NOVA1: variants seen among roughly 807,000 people sequenced by gnomAD.
The protein encoded by NOVA1 is NOVA alternative splicing regulator 1, also known as RNA-binding protein Nova-1.
Under a neutral mutation model 38.0 loss-of-function variants are expected in NOVA1, and 7 were observed. That is an observed-to-expected ratio of 0.18 (90% confidence interval 0.10 to 0.35). The LOEUF (loss-of-function observed/expected upper bound fraction) is 0.35, where lower values mean the gene tolerates loss of function less well. Among genes scored for constraint, NOVA1 ranks in the 10% least tolerant of loss-of-function variants. The probability of loss-of-function intolerance (pLI) is 1.00; values close to 1 mark genes in which losing one functional copy is unlikely to be tolerated. For missense variants in NOVA1, 460 were observed against 616.0 expected (o/e 0.75, Z 2.68); for synonymous variants, 270 against 232.5 (o/e 1.16, Z -1.47).
intron 4 of NOVA1, among the ~76,000 whole-genome samples, chr14:26,449,718 C>T (rs189298804): frequency 2.0e-5 from 3 of 152,092 alleles, no homozygotes; most frequent in Admixed American, 6.5e-5. Flanking sequence ...TCTAATTATT[C>T]GCTTTTTTGG....
intron 4 of NOVA1, among the ~76,000 whole-genome samples, chr14:26,461,172 T>C (rs1883632632): frequency 6.6e-6 from 1 of 152,144 alleles, no homozygotes; most frequent in African/African-American, 2.4e-5. Context: ...AGACACAGGA[T>C]TCTATGCATT....
At chr14:26,588,354 G>GA (rs1241463850) in intron 2 of NOVA1, 1 of 151,172 alleles carries the variant, frequency 6.6e-6, no homozygotes, top group Admixed American at 6.6e-5. Context: ...AAAATTCATT[G>GA]AAAAATGGAC....
chr14:26,459,179 A>G (rs1009243969), intron 4 of NOVA1, among the ~76,000 whole-genome samples: 6 of 152,092 alleles, frequency 3.9e-5, no homozygotes, highest in Non-Finnish European at 7.4e-5. Context: ...TTCCCTATAC[A>G]GGAGTATATT....
intron 4 of NOVA1, among the ~76,000 whole-genome samples, chr14:26,450,493 T>A (rs1011526104): frequency 6.6e-6 from 1 of 152,128 alleles, no homozygotes; most frequent in Non-Finnish European, 1.5e-5. Flanking sequence ...ATCATTTCAT[T>A]TTATGGAAAA....
chr14:26,516,173 C>T (rs1044360410), intron 2 of NOVA1, among the ~76,000 whole-genome samples: 21 of 152,098 alleles, frequency 1.4e-4, no homozygotes, highest in African/African-American at 4.6e-4. Flanking sequence ...GAGTGTTTAT[C>T]GGCCATTAGG....
intron 2 of NOVA1, among the ~76,000 whole-genome samples, chr14:26,552,032 C>T (rs1891191670): frequency 6.6e-6 from 1 of 152,022 alleles, no homozygotes; most frequent in Non-Finnish European, 1.5e-5. Context: ...AGGAAAAAGA[C>T]TTGCTAATAC....
intron 2 of NOVA1, among the ~76,000 whole-genome samples, chr14:26,520,974 T>G (rs1888833429): frequency 6.6e-6 from 1 of 152,106 alleles, no homozygotes; most frequent in South Asian, 2.1e-4. Flanking sequence ...TATTTGACAA[T>G]GTTGATGTTA....
intron 4 of NOVA1, chr14:26,470,515 A>C: frequency 2.1e-6 from 3 of 1,456,996 alleles, no homozygotes; most frequent in Non-Finnish European, 2.9e-6. Flanking sequence ...AGAAGAAAAC[A>C]GAGTATAAGT....
chr14:26,520,773 G>T (rs1888817226), intron 2 of NOVA1, among the ~76,000 whole-genome samples: 1 of 152,064 alleles, frequency 6.6e-6, no homozygotes, highest in Non-Finnish European at 1.5e-5. Context: ...GAATTTAATG[G>T]AATGAGACTT....
intron 4 of NOVA1, among the ~76,000 whole-genome samples, chr14:26,466,402 C>T (rs1167682857): frequency 6.6e-6 from 1 of 152,036 alleles, no homozygotes; most frequent in Non-Finnish European, 1.5e-5. Flanking sequence ...TTTAAGATGT[C>T]AATTAGGTAT....
At chr14:26,513,539 T>C (rs1040447553) in intron 2 of NOVA1, among the ~76,000 whole-genome samples, 19 of 151,796 alleles carry the variant, frequency 1.3e-4, no homozygotes, top group African/African-American at 3.9e-4. Flanking sequence ...CAAATGGCAA[T>C]AAATCCAGAA....
chr14:26,529,140 T>TC (rs1226960225), intron 2 of NOVA1, among the ~76,000 whole-genome samples: 1 of 148,736 alleles, frequency 6.7e-6, no homozygotes. Context: ...TTTTTTTTTT[T>TC]CCTTTTTTTT....
chr14:26,569,880 C>T (rs769998791), intron 2 of NOVA1, among the ~76,000 whole-genome samples: 5 of 152,030 alleles, frequency 3.3e-5, no homozygotes, highest in Non-Finnish European at 7.4e-5. Flanking sequence ...ATAAATAAAA[C>T]AAAACCTAAA....
chr14:26,481,670 T>C (rs1021383807), intron 2 of NOVA1, among the ~76,000 whole-genome samples: 4 of 152,074 alleles, frequency 2.6e-5, no homozygotes, highest in Non-Finnish European at 5.9e-5. Context: ...CTGAAAAACA[T>C]AATGTGAGTC....
At chr14:26,597,164 G>C in intron 1 of NOVA1, 137 bp downstream of exon 1, 1 of 1,188,294 alleles carries the variant, frequency 8.4e-7, no homozygotes, top group Non-Finnish European at 1.1e-6. Flanking sequence ...CAGGGGCGCA[G>C]GGGCCGCCGG....
chr14:26,469,471 TAAG>T (rs1295038380), intron 4 of NOVA1, among the ~76,000 whole-genome samples: 1 of 152,200 alleles, frequency 6.6e-6, no homozygotes, highest in Non-Finnish European at 1.5e-5. Context: ...ACTTGACAGA[TAAG>T]AAATTAAATA....
chr14:26,464,204 C>G (rs1187286495), intron 4 of NOVA1, among the ~76,000 whole-genome samples: 2 of 152,160 alleles, frequency 1.3e-5, no homozygotes, highest in Non-Finnish European at 2.9e-5. Context: ...TCATCAATGA[C>G]AGGCCACATA....
intron 2 of NOVA1, among the ~76,000 whole-genome samples, chr14:26,485,883 C>T (rs1885847426): frequency 6.6e-6 from 1 of 151,980 alleles, no homozygotes; most frequent in Non-Finnish European, 1.5e-5. Flanking sequence ...AACAATAATA[C>T]AAAAATGTAG....
chr14:26,532,709 G>A (rs920453056), intron 2 of NOVA1, among the ~76,000 whole-genome samples: 2 of 152,088 alleles, frequency 1.3e-5, no homozygotes, highest in Admixed American at 6.6e-5. Flanking sequence ...CATGTTTTAC[G>A]AGACTTTTGT....
Sources: gnomAD v4.1 joint callset for allele counts (sites outside exome capture counted in the v4.1 genomes callset) on GRCh38, gnomAD v4.1.1 for gene constraint, MANE v1.5 for transcripts, NCBI Gene and HGNC (gene_info 2026-07-23, HGNC 2026-07-21) for gene names.